NREP: variants seen among roughly 807,000 people sequenced by gnomAD.
NREP encodes neuronal regeneration-related protein.
NREP carries 5 observed loss-of-function variants against 8.6 expected under a neutral mutation model. The observed-to-expected ratio is 0.58, with a 90% CI of 0.30 to 1.22. The LOEUF (loss-of-function observed/expected upper bound fraction) is 1.22. NREP is among the 50% of genes most tolerant of loss of function. NREP has a pLI of 0.07. For synonymous variants in NREP, 27 were observed against 28.0 expected, an observed-to-expected ratio of 0.96 and a Z score of 0.11; for missense variants, 86 against 82.5, an observed-to-expected ratio of 1.04 and a Z score of -0.17.
intron 2 of NREP, among the ~76,000 whole-genome samples, chr5:111,867,030 G>T (rs377222061): frequency 6.6e-6 from 1 of 151,942 alleles, no homozygotes; most frequent in South Asian, 2.1e-4. Flanking sequence ...AGCATTTGGA[G>T]ATATACCTAA....
At chr5:111,832,884 G>A (rs1459167048) in intron 2 of NREP, among the ~76,000 whole-genome samples, 1 of 152,168 alleles carries the variant, frequency 6.6e-6, no homozygotes, top group Non-Finnish European at 1.5e-5. Flanking sequence ...TCTTCAGGAA[G>A]TTCCTCCAAA....
At chr5:111,807,060 A>C (rs1752160116) in intron 2 of NREP, among the ~76,000 whole-genome samples, 1 of 152,164 alleles carries the variant, frequency 6.6e-6, no homozygotes, top group Non-Finnish European at 1.5e-5. Context: ...GTGGGCTGGC[A>C]AATTTTGATG....
At chr5:111,744,662 G>A (rs1014767333) in intron 2 of NREP, among the ~76,000 whole-genome samples, 4 of 152,032 alleles carry the variant, frequency 2.6e-5, no homozygotes, top group African/African-American at 4.8e-5. Context: ...GATTCAGTCC[G>A]GCAGTACCAT....
chr5:111,821,192 C>T (rs559653578), intron 2 of NREP, among the ~76,000 whole-genome samples: 1 of 152,342 alleles, frequency 6.6e-6, no homozygotes, highest in Admixed American at 6.5e-5. Flanking sequence ...CCTCTAAGAG[C>T]TGTGCAGTGT....
intron 2 of NREP, among the ~76,000 whole-genome samples, chr5:111,948,381 T>C (rs1352988269): frequency 6.6e-6 from 1 of 152,144 alleles, no homozygotes; most frequent in Non-Finnish European, 1.5e-5. Context: ...AAAACAACCA[T>C]GCAAACTATA....
intron 2 of NREP, among the ~76,000 whole-genome samples, chr5:111,882,646 A>G (rs1451413412): frequency 2.0e-5 from 3 of 152,250 alleles, no homozygotes; most frequent in Non-Finnish European, 4.4e-5. Flanking sequence ...CAGAAACTCT[A>G]CAAGCCAGAA....
At chr5:111,738,537 T>C (rs977595884) in intron 2 of NREP, 5 of 152,248 alleles carry the variant, frequency 3.3e-5, no homozygotes, top group Admixed American at 1.3e-4. Context: ...TCAAGTTTCT[T>C]ACCAACCTTT....
Position 111,826,648 on chromosome 5 carries a change from T to C in NREP, c.136-91141A>G, listed in dbSNP as rs1752635311. ...CAAAGAACCCACCAGAAGGAAGCAA[T>C]TCTGCACACACCAGTAGCTGGGATT... is the stretch of plus-strand genomic sequence containing the variant. On this transcript the variant is annotated intron_variant, in intron 2 of 3. Coordinates refer to the NREP transcript ENST00000395634. Among the ~76,000 whole-genome samples, 2 of 152,198 alleles carry C rather than the reference T, an allele frequency of 1.3e-5. 1 individual carries two copies. Among genetic ancestry groups the C allele is most frequent in the Admixed American group, 1.3e-4 (2 of 15,286 alleles).
intron 2 of NREP, among the ~76,000 whole-genome samples, chr5:111,958,186 CTATTT>C (rs148199044): frequency 0.016 from 2,453 of 151,692 alleles, 31 homozygotes; most frequent in African/African-American, 0.037. Flanking sequence ...GTGATATATT[CTATTT>C]TATGTTTTAT....
chr5:111,934,485 C>A (rs979621364), intron 2 of NREP, among the ~76,000 whole-genome samples: 1 of 152,024 alleles, frequency 6.6e-6, no homozygotes, highest in African/African-American at 2.4e-5. Flanking sequence ...AACTCATTTT[C>A]TTTCTCTTAG....
At chr5:111,840,630 T>G (rs1198349277) in intron 2 of NREP, among the ~76,000 whole-genome samples, 1 of 152,146 alleles carries the variant, frequency 6.6e-6, no homozygotes, top group Non-Finnish European at 1.5e-5. Flanking sequence ...TTAGCTTAAG[T>G]CAGTCACTCT....
At chr5:111,755,566 C>A (rs1325544796) in intron 2 of NREP, 7 of 613,896 alleles carry the variant, frequency 1.1e-5, no homozygotes, top group Non-Finnish European at 2.1e-5. Flanking sequence ...AAAATAATTG[C>A]AAGTCAAAGA....
At chr5:111,974,159 G>A (rs1180263427) in intron 2 of NREP, among the ~76,000 whole-genome samples, 2 of 152,162 alleles carry the variant, frequency 1.3e-5, no homozygotes, top group Non-Finnish European at 2.9e-5. Context: ...TATAGTGTCC[G>A]TGTTCCTCAG....
chr5:111,749,976 C>T (rs1750252039), intron 2 of NREP, among the ~76,000 whole-genome samples: 1 of 152,094 alleles, frequency 6.6e-6, no homozygotes. Context: ...GTGTTCTTTC[C>T]TGTTAAGCAC....
intron 2 of NREP, among the ~76,000 whole-genome samples, chr5:111,894,636 A>T (rs1008569208): frequency 6.6e-6 from 1 of 152,150 alleles, no homozygotes; most frequent in Non-Finnish European, 1.5e-5. Flanking sequence ...AAATTAACCT[A>T]CTGATTCAAA....
At chr5:111,948,234 C>T (rs982404739) in intron 2 of NREP, among the ~76,000 whole-genome samples, 13 of 152,068 alleles carry the variant, frequency 8.5e-5, no homozygotes, top group Non-Finnish European at 1.6e-4. Context: ...ATCAGGTCAA[C>T]GTGTTCCACA....
In NREP at chr5:111,933,397, T is replaced by C. The variant is rs551825291; in HGVS notation, c.135+41877A>G. Among the ~76,000 whole-genome samples, 5 of 152,216 alleles carry C rather than the reference T, an allele frequency of 3.3e-5. No homozygotes were observed. In the South Asian group the frequency reaches 8.3e-4, roughly 25 times the overall value. On this transcript the variant is annotated intron_variant, in intron 2 of 3. Coordinates refer to the NREP transcript ENST00000395634. The stretch of plus-strand genomic sequence containing the variant: ...AAAGGGATCTCCAAAAGAAAATAAA[T>C]GGAATTATGGAATAATTTTTCAGTG...
intron 2 of NREP, among the ~76,000 whole-genome samples, chr5:111,948,177 T>A (rs1444177410): frequency 6.6e-6 from 1 of 152,104 alleles, no homozygotes; most frequent in African/African-American, 2.4e-5. Context: ...AAAAGCCTCA[T>A]TCTAGTAATT....
Position 111,735,484 on chromosome 5 carries a change from G to C in NREP, c.27C>G (p.Val9=), listed in dbSNP as rs149417670. ...TTGGAAATGGTTCTTGACTGACCCAGACAAAGAGTTCTGGGTAATAAACCT... is the reference window on the plus strand; with the variant it reads ...TTGGAAATGGTTCTTGACTGACCCACACAAAGAGTTCTGGGTAATAAACCT... MVYYPELF[V]WVSQEPFPNK... Residue 9 remains valine, a synonymous_variant, in exon 3 of 4, where the codon GTC becomes GTG. Coordinates refer to ENST00000257435, the MANE Select transcript of NREP (RefSeq NM_004772.4). The C allele has an allele frequency of 1.0e-3, 1,621 of 1,612,830 alleles. 2 individuals carry two copies. The highest frequency in any genetic ancestry group is 1.2e-3 in the Non-Finnish European group (1,429 of 1,179,168).
Sources: allele counts gnomAD v4.1 joint callset (sites outside exome capture counted in the v4.1 genomes callset), GRCh38; gene constraint gnomAD v4.1.1; transcripts MANE v1.5; gene names NCBI Gene and HGNC (gene_info 2026-07-23, HGNC 2026-07-21).